SEMA6B: variants seen among roughly 807,000 people sequenced by gnomAD.
SEMA6B encodes the protein semaphorin 6B.
Under a neutral mutation model 78.6 loss-of-function variants are expected in SEMA6B, and 47 were observed. The ratio of observed to expected loss-of-function variants is 0.60; its 90% CI spans 0.47 to 0.76. The LOEUF (loss-of-function observed/expected upper bound fraction) is 0.76, where lower values mean the gene tolerates loss of function less well. Ranked by LOEUF, SEMA6B falls within the 30% of genes least tolerant of loss-of-function variation. The probability of loss-of-function intolerance (pLI) is 0.00; values close to 1 mark genes in which losing one functional copy is unlikely to be tolerated. For synonymous variants in SEMA6B, 632 were observed against 592.2 expected, an observed-to-expected ratio of 1.07 and a Z score of -0.98; for missense variants, 1,213 against 1,269.9, an observed-to-expected ratio of 0.96 and a Z score of 0.68.
chr19:4,544,019 A>G lies in SEMA6B; in HGVS notation c.2249T>C (p.Leu750Pro). 8.3e-7 allele frequency: 1 copy of G among 1,211,788 alleles called. No homozygotes were observed. The highest frequency in any genetic ancestry group is 1.0e-6 in the Non-Finnish European group (1 of 976,486). The allele number at this position is 1,211,788 out of a possible 1,614,324, so 75.1% of individuals were successfully genotyped here. A position where few individuals can be genotyped will look rare whatever the true frequency, so the allele number is the denominator to read the frequency against. ...PLLPASASSS[L>P]LLLAPARAPE... ...GGCCCGGGCGGGCGCCAGCAGCAGG[A>G]GGGAGGATGAAGCGGAGGCCGGGAG... The change falls in exon 17 of 17, where the codon CTC (leucine) becomes CCC (proline). Residue 750 changes from leucine (L) to proline (P), a missense_variant. Physicochemically the swap from Leu to Pro is moderately conservative, Grantham distance 98. Transcript: ENST00000586582. This position sits in a 1 kb window ranked among gnomAD's most constrained non-coding sequence, Gnocchi z 5.1.
chr19:4,549,038 C>A (rs908314453), intron 12 of SEMA6B, among the ~76,000 whole-genome samples: 2 of 152,082 alleles, frequency 1.3e-5, no homozygotes, highest in Non-Finnish European at 1.5e-5. Context: ...TTTGGCCAGG[C>A]TGGTTTCAAA....
chr19:4,557,973 C>G, intron 3 of SEMA6B, 53 bp downstream of exon 3: 1 of 1,295,238 alleles, frequency 7.7e-7, no homozygotes, highest in Non-Finnish European at 1.0e-6. Context: ...TCTCTCTCTC[C>G]CCCTCGCTCA....
chr19:4,547,114 C>A (rs1977190335), intron 14 of SEMA6B, among the ~76,000 whole-genome samples: 1 of 151,820 alleles, frequency 6.6e-6, no homozygotes, highest in South Asian at 2.1e-4. Context: ...TGTGTGCCAC[C>A]ACGCCCAGCT....
At chr19:4,557,979 G>A (rs745593611) in intron 3 of SEMA6B, 47 bp downstream of exon 3, 33 of 1,302,378 alleles carry the variant, frequency 2.5e-5, no homozygotes, top group Non-Finnish European at 3.2e-5. Flanking sequence ...TCTCCCCCTC[G>A]CTCATTCTGC....
rs1254393164 is a variant in SEMA6B, at chr19:4,558,421, G to A, written c.37C>T (p.Leu13=). 4.0e-6 allele frequency: 5 copies of A among 1,258,150 alleles called. No individual in the cohort carries two copies. Among genetic ancestry groups the A allele is most frequent in the Non-Finnish European group, 5.0e-6 (5 of 994,234 alleles). 77.9% of individuals were successfully genotyped at this position (1,258,150 alleles called of 1,614,324 possible). A position where few individuals can be genotyped will look rare whatever the true frequency, so the allele number is the denominator to read the frequency against. ...TPRASPPRPA[L]LLLLLLLGGA... ...CCCAGTAGCAGCAGCAGAAGCAGCA[G>A]GGCCGGGCGGGGAGGGGACGCTCGC... The change falls in exon 2 of 17, where the codon CTG becomes TTG. Residue 13 remains leucine (L), a synonymous_variant. Coordinates refer to ENST00000586582, the MANE Select transcript of SEMA6B (RefSeq NM_032108.4). This position sits in a 1 kb window ranked among gnomAD's most constrained non-coding sequence, Gnocchi z 5.1.
chr19:4,551,363 G>A (rs1173826900), intron 10 of SEMA6B, among the ~76,000 whole-genome samples: 2 of 151,644 alleles, frequency 1.3e-5, no homozygotes, highest in Non-Finnish European at 2.9e-5. Context: ...GGAATTACAG[G>A]TGCCCACCAC....
At position 4,544,317 on chromosome 19, in the gene SEMA6B, C is replaced by T. The variant is rs748265038; in HGVS notation, c.1951G>A (p.Val651Ile). 6.7e-7 allele frequency: 1 copy of T among 1,490,758 alleles called. No homozygotes were observed. Among genetic ancestry groups the T allele is most frequent in the Non-Finnish European group, 8.9e-7 (1 of 1,125,512 alleles). The allele number at this position is 1,490,758 out of a possible 1,614,324, so 92.3% of individuals were successfully genotyped here. ...AHGAGEAVLSVSRLGERRAQG... is the reference protein window; with the variant it reads ...AHGAGEAVLSISRLGERRAQG... ...GCCCTGCGCTCGCCCAGGCGGCTGACGCTCAGCACCGCCTCGCCCGCCCCG... is the reference window on the plus strand; with the variant it reads ...GCCCTGCGCTCGCCCAGGCGGCTGATGCTCAGCACCGCCTCGCCCGCCCCG... Residue 651 changes from valine (V) to isoleucine (I), a missense_variant, in exon 17 of 17, where the codon GTC (valine) becomes ATC (isoleucine). Coordinates refer to ENST00000586582, the MANE Select transcript of SEMA6B (RefSeq NM_032108.4). This position sits in a 1 kb window ranked among gnomAD's most constrained non-coding sequence, Gnocchi z 5.1.
rs1482407859 is a variant in SEMA6B at position 4,555,487 on chromosome 19, A to C, written c.549T>G (p.Val183=). 6.2e-7 allele frequency: 1 copy of C among 1,612,604 alleles called. No individual in the cohort carries two copies. Among genetic ancestry groups the C allele is most frequent in the African/African-American group, 1.3e-5 (1 of 74,966 alleles). ...RCPYDPKHAN[V]ALFSDGMLFT... ...GGGGGTACTTACCAGAGAAGAGGGC[A>C]ACATTGGCGTGCTTGGGGTCGTACG... is the stretch of plus-strand genomic sequence containing the variant. Residue 183 remains valine, a synonymous_variant, in exon 7 of 17, where the codon GTT becomes GTG. Coordinates refer to ENST00000586582, the MANE Select transcript of SEMA6B (RefSeq NM_032108.4). This position sits in a 1 kb window ranked among gnomAD's most constrained non-coding sequence, Gnocchi z 6.1.
rs1257730417 is a variant in SEMA6B at position 4,543,050 on chromosome 19, C to T, written c.*551G>A. The stretch of plus-strand genomic sequence containing the variant: ...CACCCTGCACGCGTGGCCCACTTGA[C>T]ACACACGCCCACAGCAGCCTTCGCT... On this transcript the variant is annotated 3_prime_UTR_variant, in exon 17 of 17. Transcript: ENST00000586582. The T allele has an allele frequency of 1.1e-5, 7 of 657,998 alleles. No individual in the cohort carries two copies. The highest frequency in any genetic ancestry group is 1.9e-5 in the Non-Finnish European group (7 of 359,880). 40.8% of individuals were successfully genotyped at this position (657,998 alleles called of 1,614,324 possible).
Position 4,558,326 on chromosome 19 carries a change from C to T in SEMA6B, c.121+11G>A, listed in dbSNP as rs762747969. The T allele has an allele frequency of 1.5e-6, 2 of 1,321,666 alleles. No homozygotes were observed. Among genetic ancestry groups the T allele is most frequent in the Non-Finnish European group, 1.9e-6 (2 of 1,026,220 alleles). The allele number at this position is 1,321,666 out of a possible 1,614,324, so 81.9% of individuals were successfully genotyped here. A position where few individuals can be genotyped will look rare whatever the true frequency, so the allele number is the denominator to read the frequency against. On this transcript the variant is annotated intron_variant, in intron 2 of 16. Transcript: ENST00000586582. The surrounding 1 kb of genome is among the most constrained non-coding windows in gnomAD (Gnocchi z 5.1). ...GACTCCACCCCCGCCCAAAGACACCCCCAGACTCACAGTCCCTGGGGGCCA... is the reference window on the plus strand; with the variant it reads ...GACTCCACCCCCGCCCAAAGACACCTCCAGACTCACAGTCCCTGGGGGCCA...
At chr19:4,546,117 C>G in intron 16 of SEMA6B, 99 bp downstream of exon 16, 1 of 1,274,524 alleles carries the variant, frequency 7.8e-7, no homozygotes, top group South Asian at 1.4e-5. Flanking sequence ...AGTTTCCCCA[C>G]CCACCTCCCA....
rs1977065823 is a variant in SEMA6B at position 4,543,228 on chromosome 19, C to A, written c.*373G>T. Reference sequence around the variant, plus strand: ...GGTCTGCAGCTGTGGCCCCCCATTCCCCACCGGCGTCCAAGCCTCCCCTGC... The same window carrying A: ...GGTCTGCAGCTGTGGCCCCCCATTCACCACCGGCGTCCAAGCCTCCCCTGC... On this transcript the variant is annotated 3_prime_UTR_variant, in exon 17 of 17. Coordinates refer to ENST00000586582, the MANE Select transcript of SEMA6B (RefSeq NM_032108.4). 3 of 540,968 alleles carry A rather than the reference C, an allele frequency of 5.5e-6. No individual in the cohort carries two copies. Among genetic ancestry groups the A allele is most frequent in the African/African-American group, 3.8e-5 (2 of 52,468 alleles). The allele number at this position is 540,968 out of a possible 1,614,324, so 33.5% of individuals were successfully genotyped here. A position where few individuals can be genotyped will look rare whatever the true frequency, so the allele number is the denominator to read the frequency against.
Position 4,543,011 on chromosome 19 carries a change from C to A in SEMA6B, c.*590G>T, listed in dbSNP as rs764952814. 2.9e-6 allele frequency: 2 copies of A among 692,202 alleles called. No homozygotes were observed. The highest frequency in any genetic ancestry group is 2.6e-6 in the Non-Finnish European group (1 of 378,588). 42.9% of individuals were successfully genotyped at this position (692,202 alleles called of 1,614,324 possible). On this transcript the variant is annotated 3_prime_UTR_variant, in exon 17 of 17. Coordinates refer to ENST00000586582, the MANE Select transcript of SEMA6B (RefSeq NM_032108.4). ...AGGCCGCTGGGGCCACCACGATCGT[C>A]GCTCGTGGACACACACCCTGCACGC... is the stretch of plus-strand genomic sequence containing the variant.
intron 9 of SEMA6B, among the ~76,000 whole-genome samples, chr19:4,553,380 T>TGGATGGATGGAC (rs1222999349): frequency 2.6e-5 from 1 of 38,170 alleles, no homozygotes; most frequent in East Asian, 1.4e-3. Context: ...GATGGGTGAG[T>TGGATGGATGGAC]GGATGGATGG....
chr19:4,547,450 C>G (rs1822350840), intron 14 of SEMA6B, among the ~76,000 whole-genome samples: 1 of 152,260 alleles, frequency 6.6e-6, no homozygotes. Context: ...CTCGGAGCTA[C>G]TGGGTCATTG....
At position 4,548,024 on chromosome 19, in the gene SEMA6B, C is replaced by T. The variant is rs750261546; in HGVS notation, c.1601+3G>A. Reference sequence around the variant, plus strand: ...CCACGGCTGGCCTGGGGTGGACACTCACTTCATACACCCCGAGTACTGCTG... The same window carrying T: ...CCACGGCTGGCCTGGGGTGGACACTTACTTCATACACCCCGAGTACTGCTG... On this transcript the variant is annotated splice_donor_region_variant and intron_variant, in intron 14 of 16. Coordinates refer to ENST00000586582, the MANE Select transcript of SEMA6B (RefSeq NM_032108.4). 33 of 1,543,610 alleles carry T rather than the reference C, an allele frequency of 2.1e-5. No homozygotes were observed. Among genetic ancestry groups the T allele is most frequent in the Non-Finnish European group, 2.8e-5 (32 of 1,146,272 alleles).
Position 4,550,056 on chromosome 19 carries a change from G to T in SEMA6B, c.1271+67C>A. The T allele has an allele frequency of 6.5e-7, 1 of 1,527,074 alleles. No homozygotes were observed. The highest frequency in any genetic ancestry group is 9.0e-7 in the Non-Finnish European group (1 of 1,112,278). 94.6% of individuals were successfully genotyped at this position (1,527,074 alleles called of 1,614,324 possible). ...TGGGCTCATCTGTGTTGAGCATCTG[G>T]ATCCTCTCACCCTCCATCTACCCCA... On this transcript the variant is annotated intron_variant, in intron 12 of 16. Coordinates refer to ENST00000586582, the MANE Select transcript of SEMA6B (RefSeq NM_032108.4). The surrounding 1 kb of genome is among the most constrained non-coding windows in gnomAD (Gnocchi z 6.6).
At chr19:4,554,518 A>G (rs1297508538) in intron 8 of SEMA6B, 42 bp from the exon 9 acceptor site, 2 of 1,502,432 alleles carry the variant, frequency 1.3e-6, no homozygotes, top group Non-Finnish European at 1.9e-6. Context: ...CTGACATGAC[A>G]AAGGGGGTTT....
Position 4,543,037 on chromosome 19 carries a change from G to A in SEMA6B, c.*564C>T, listed in dbSNP as rs1476424539. On this transcript the variant is annotated 3_prime_UTR_variant, in exon 17 of 17. Transcript: ENST00000586582. ...GCTCGTGGACACACACCCTGCACGCGTGGCCCACTTGACACACACGCCCAC... is the reference window on the plus strand; with the variant it reads ...GCTCGTGGACACACACCCTGCACGCATGGCCCACTTGACACACACGCCCAC... 10 of 673,502 alleles carry A rather than the reference G, an allele frequency of 1.5e-5. No homozygotes were observed. The highest frequency in any genetic ancestry group is 2.1e-5 in the Admixed American group (1 of 47,824). 41.7% of individuals were successfully genotyped at this position (673,502 alleles called of 1,614,324 possible). A position where few individuals can be genotyped will look rare whatever the true frequency, so the allele number is the denominator to read the frequency against.
Sources: allele counts gnomAD v4.1 joint callset (sites outside exome capture counted in the v4.1 genomes callset), GRCh38; gene constraint gnomAD v4.1.1; non-coding constraint Gnocchi (gnomAD v3.1); transcripts MANE v1.5; gene names NCBI Gene and HGNC (gene_info 2026-07-23, HGNC 2026-07-21).